Variants in ANKFN1 observed in about 807,000 individuals in gnomAD.
ANKFN1 encodes ankyrin repeat and fibronectin type-III domain-containing protein 1.
A neutral mutation model predicts 108.7 loss-of-function variants in ANKFN1; 74 were observed. The ratio of observed to expected loss-of-function variants is 0.68; its 90% CI spans 0.56 to 0.83. The LOEUF (loss-of-function observed/expected upper bound fraction) is 0.83. ANKFN1 is among the 40% of genes least tolerant of loss of function. The probability of loss-of-function intolerance (pLI) is 0.00; values close to 1 mark genes in which losing one functional copy is unlikely to be tolerated. For missense variants in ANKFN1, 1,505 were observed against 1,382.3 expected, an observed-to-expected ratio of 1.09 and a Z score of -1.41; for synonymous variants, 547 against 516.2, an observed-to-expected ratio of 1.06 and a Z score of -0.81.
intron 4 of ANKFN1, among the ~76,000 whole-genome samples, chr17:56,074,145 T>G (rs1046764678): frequency 2.0e-5 from 3 of 152,192 alleles, no homozygotes; most frequent in Admixed American, 2.0e-4. Context: ...TCTTCTTCAG[T>G]TTTTCCCTTG....
intron 4 of ANKFN1, among the ~76,000 whole-genome samples, chr17:56,124,742 C>T (rs1330975479): frequency 1.3e-5 from 2 of 152,200 alleles, no homozygotes; most frequent in East Asian, 3.9e-4. Context: ...ATTAGAATAC[C>T]ACTTGGAATA....
At chr17:56,470,884 A>G (rs2050294580) in intron 15 of ANKFN1, among the ~76,000 whole-genome samples, 1 of 152,178 alleles carries the variant, frequency 6.6e-6, no homozygotes. Flanking sequence ...TGAGCAAAGT[A>G]ATTGGCAATG....
intron 8 of ANKFN1, among the ~76,000 whole-genome samples, chr17:56,433,789 A>G (rs748060686): frequency 9.2e-5 from 14 of 151,982 alleles, no homozygotes; most frequent in Non-Finnish European, 1.9e-4. Flanking sequence ...GAACTTACTC[A>G]TGTAACCAAA....
intron 3 of ANKFN1, among the ~76,000 whole-genome samples, chr17:56,286,750 G>A (rs1393557902): frequency 1.3e-5 from 2 of 152,082 alleles, no homozygotes; most frequent in Non-Finnish European, 2.9e-5. Context: ...CAAGATTCAA[G>A]AGCAAAGAAC....
At chr17:56,320,004 G>C (rs1413199950) in intron 3 of ANKFN1, among the ~76,000 whole-genome samples, 1 of 152,084 alleles carries the variant, frequency 6.6e-6, no homozygotes, top group East Asian at 1.9e-4. Context: ...GCAGAGACCT[G>C]GGTCTGAGTC....
At chr17:56,071,676 T>C (rs1905122968) in intron 4 of ANKFN1, among the ~76,000 whole-genome samples, 1 of 152,226 alleles carries the variant, frequency 6.6e-6, no homozygotes, top group African/African-American at 2.4e-5. Flanking sequence ...ACAAAAACAT[T>C]ATATCCATCT....
chr17:56,198,355 G>C (rs1913713012), intron 1 of ANKFN1, among the ~76,000 whole-genome samples: 1 of 152,280 alleles, frequency 6.6e-6, no homozygotes, highest in South Asian at 2.1e-4. Context: ...CACATGCACT[G>C]TTCACAGTAG....
At chr17:56,237,326 G>A (rs1338570077) in intron 3 of ANKFN1, among the ~76,000 whole-genome samples, 1 of 152,132 alleles carries the variant, frequency 6.6e-6, no homozygotes, top group Non-Finnish European at 1.5e-5. Context: ...AACAGTTTCA[G>A]TAGGAATTGT....
At chr17:56,176,456 G>A (rs535936452) in intron 1 of ANKFN1, among the ~76,000 whole-genome samples, 4 of 152,270 alleles carry the variant, frequency 2.6e-5, no homozygotes, top group Admixed American at 6.5e-5. Context: ...GGGAATGCAC[G>A]GGATCGGAGT....
chr17:56,302,768 A>G (rs962992847), intron 3 of ANKFN1, among the ~76,000 whole-genome samples: 1 of 152,238 alleles, frequency 6.6e-6, no homozygotes, highest in Non-Finnish European at 1.5e-5. Context: ...ATACATATAA[A>G]TTTTTTACAC....
intron 3 of ANKFN1, among the ~76,000 whole-genome samples, chr17:56,321,482 G>T (rs372091403): frequency 2.7e-5 from 4 of 150,178 alleles, no homozygotes; most frequent in African/African-American, 9.8e-5. Context: ...AAAAATCTTC[G>T]CTGAAAAAAA....
At chr17:56,474,711 C>T (rs779475055) in intron 15 of ANKFN1, among the ~76,000 whole-genome samples, 1 of 152,050 alleles carries the variant, frequency 6.6e-6, no homozygotes, top group Non-Finnish European at 1.5e-5. Flanking sequence ...AATTTGAATA[C>T]TTCCATTTTT....
intron 8 of ANKFN1, among the ~76,000 whole-genome samples, chr17:56,433,943 G>A (rs543366914): frequency 6.6e-6 from 1 of 152,270 alleles, no homozygotes; most frequent in South Asian, 2.1e-4. Context: ...TGCTGAGGCA[G>A]GAGAATTGCT....
chr17:56,338,771 C>T (rs1363820686), intron 4 of ANKFN1, among the ~76,000 whole-genome samples: 2 of 151,908 alleles, frequency 1.3e-5, no homozygotes, highest in Non-Finnish European at 2.9e-5. Context: ...ATAGTGCATT[C>T]AAACAGAAGA....
chr17:56,177,885 AT>A (rs1490806197), intron 1 of ANKFN1, among the ~76,000 whole-genome samples: 1 of 151,994 alleles, frequency 6.6e-6, no homozygotes, highest in Admixed American at 6.6e-5. Flanking sequence ...TATTTAAGTT[AT>A]TTTTTATGCA....
chr17:56,303,149 T>C (rs1338759831), intron 3 of ANKFN1, among the ~76,000 whole-genome samples: 2 of 152,238 alleles, frequency 1.3e-5, no homozygotes, highest in African/African-American at 4.8e-5. Flanking sequence ...TTTATCTTTC[T>C]TTTGGACTTC....
At chr17:56,089,124 CT>C in intron 4 of ANKFN1, among the ~76,000 whole-genome samples, 2 of 151,474 alleles carry the variant, frequency 1.3e-5, no homozygotes, top group South Asian at 4.1e-4. Flanking sequence ...GGGCGAAGGA[CT>C]TTTCTTGTTT....
At chr17:56,311,485 G>A (rs1048714866) in intron 3 of ANKFN1, among the ~76,000 whole-genome samples, 16 of 152,148 alleles carry the variant, frequency 1.1e-4, no homozygotes, top group African/African-American at 1.9e-4. Context: ...CCCTGAGTAC[G>A]TTATATTTTC....
At chr17:56,165,214 C>T (rs1254418354) in intron 1 of ANKFN1, among the ~76,000 whole-genome samples, 1 of 152,164 alleles carries the variant, frequency 6.6e-6, no homozygotes, top group African/African-American at 2.4e-5. Flanking sequence ...TCACGTAGGA[C>T]CTGTTTCTTG....
Sources: allele counts gnomAD v4.1 joint callset (sites outside exome capture counted in the v4.1 genomes callset), GRCh38; gene constraint gnomAD v4.1.1; transcripts MANE v1.5; gene names NCBI Gene and HGNC (gene_info 2026-07-23, HGNC 2026-07-21).